Variants in FAT3 observed in about 807,000 individuals in gnomAD.
FAT3 encodes protocadherin Fat 3.
A neutral mutation model predicts 310.2 loss-of-function variants in FAT3; 95 were observed. That is an observed-to-expected ratio of 0.31 (90% CI 0.26 to 0.36). FAT3 has a LOEUF of 0.36. Ranked by LOEUF, FAT3 falls within the 10% of genes least tolerant of loss-of-function variation. FAT3 has a pLI of 1.00. For missense variants in FAT3, 5,408 were observed against 5,715.6 expected (o/e 0.95, Z 1.74); for synonymous variants, 2,314 against 2,192.9 (o/e 1.06, Z -1.54).
chr11:92,305,983 T>G (rs994686969), intron 1 of FAT3, among the ~76,000 whole-genome samples: 9 of 152,150 alleles, frequency 5.9e-5, no homozygotes, highest in Admixed American at 4.6e-4. Flanking sequence ...TTACGTAAAA[T>G]GTTAATATCT....
intron 1 of FAT3, among the ~76,000 whole-genome samples, chr11:92,346,278 T>C (rs1445144869): frequency 6.6e-6 from 1 of 152,176 alleles, no homozygotes; most frequent in Non-Finnish European, 1.5e-5. Flanking sequence ...GACTCATCAT[T>C]GCAAGGAGAA....
chr11:92,487,585 G>T (rs1435176319), intron 2 of FAT3, among the ~76,000 whole-genome samples: 2 of 152,138 alleles, frequency 1.3e-5, no homozygotes, highest in Non-Finnish European at 2.9e-5. Flanking sequence ...TAAAAAGTAG[G>T]TTCCTTGGGA....
intron 2 of FAT3, among the ~76,000 whole-genome samples, chr11:92,501,898 A>G (rs1319513780): frequency 6.6e-6 from 1 of 151,910 alleles, no homozygotes. Context: ...CACATGATGT[A>G]CTAAAAGGAG....
intron 8 of FAT3, among the ~76,000 whole-genome samples, chr11:92,792,514 A>G (rs1282272402): frequency 6.6e-6 from 1 of 152,170 alleles, no homozygotes; most frequent in Admixed American, 6.6e-5. Flanking sequence ...AGTTCTACAC[A>G]CACAGACTGA....
At chr11:92,627,304 G>A (rs958929129) in intron 3 of FAT3, among the ~76,000 whole-genome samples, 2 of 152,180 alleles carry the variant, frequency 1.3e-5, no homozygotes, top group Non-Finnish European at 2.9e-5. Flanking sequence ...CATAGGTGAA[G>A]GTTCTATCGC....
At chr11:92,315,508 TATATAG>T (rs1165908886) in intron 1 of FAT3, among the ~76,000 whole-genome samples, 631 of 83,224 alleles carry the variant, frequency 7.6e-3, no homozygotes, top group Non-Finnish European at 0.011. Context: ...TATATATATA[TATATAG>T]AGAGAGAGAG....
chr11:92,614,141 C>A (rs1252368675), intron 3 of FAT3, among the ~76,000 whole-genome samples: 1 of 151,994 alleles, frequency 6.6e-6, no homozygotes, highest in East Asian at 1.9e-4. Flanking sequence ...TTTATTAATT[C>A]ATCAGTTAAT....
chr11:92,438,398 C>A (rs1950992978), intron 2 of FAT3, among the ~76,000 whole-genome samples: 3 of 152,040 alleles, frequency 2.0e-5, no homozygotes, highest in Admixed American at 6.6e-5. Flanking sequence ...CAATAGTTAT[C>A]CTTGGGTGGT....
chr11:92,323,143 C>A (rs962655419), intron 1 of FAT3, among the ~76,000 whole-genome samples: 4 of 152,060 alleles, frequency 2.6e-5, no homozygotes, highest in Admixed American at 2.6e-4. Flanking sequence ...CATTAATCTC[C>A]TTGTATATCT....
At chr11:92,321,354 G>A (rs896387437) in intron 1 of FAT3, among the ~76,000 whole-genome samples, 5 of 151,472 alleles carry the variant, frequency 3.3e-5, no homozygotes, top group African/African-American at 4.9e-5. Flanking sequence ...GGAGAATGGC[G>A]TGAACCCGAG....
chr11:92,461,101 T>C (rs76469665), intron 2 of FAT3, among the ~76,000 whole-genome samples: 2,291 of 152,356 alleles, frequency 0.015, 72 homozygotes, highest in African/African-American at 0.052. Flanking sequence ...ATGGGTTGCA[T>C]TAATTTTGAT....
intron 3 of FAT3, among the ~76,000 whole-genome samples, chr11:92,605,313 A>G (rs1940219746): frequency 6.6e-6 from 1 of 152,196 alleles, no homozygotes; most frequent in Admixed American, 6.5e-5. Flanking sequence ...GGAGGCCATG[A>G]TGGAGCCTCA....
intron 3 of FAT3, among the ~76,000 whole-genome samples, chr11:92,603,880 G>A (rs1273923990): frequency 6.6e-6 from 1 of 152,156 alleles, no homozygotes; most frequent in East Asian, 1.9e-4. Flanking sequence ...CACTGGGACT[G>A]GAGTCTTATG....
intron 20 of FAT3, among the ~76,000 whole-genome samples, chr11:92,858,183 C>T (rs966063550): frequency 6.6e-6 from 1 of 152,142 alleles, no homozygotes; most frequent in African/African-American, 2.4e-5. Context: ...AAGCACTGTT[C>T]CTAAAAGTAG....
At chr11:92,882,267 G>A (rs1262136823) in intron 23 of FAT3, among the ~76,000 whole-genome samples, 1 of 152,096 alleles carries the variant, frequency 6.6e-6, no homozygotes, top group African/African-American at 2.4e-5. Flanking sequence ...GGATACTACG[G>A]CCAGCACCAA....
intron 22 of FAT3, among the ~76,000 whole-genome samples, chr11:92,880,307 G>A (rs574822403): frequency 3.4e-5 from 5 of 145,122 alleles, no homozygotes; most frequent in Non-Finnish European, 7.5e-5. Flanking sequence ...ACTTGGCTAA[G>A]GAGAAGGGGC....
intron 2 of FAT3, among the ~76,000 whole-genome samples, chr11:92,424,431 A>G (rs2134993499): frequency 6.6e-6 from 1 of 152,268 alleles, no homozygotes; most frequent in Admixed American, 6.5e-5. Context: ...CCTTGCCACA[A>G]CAATAACTTT....
chr11:92,890,972 C>A lies in FAT3; in HGVS notation c.13629C>A (p.Gly4543=), dbSNP rs370343458. 1 of 1,613,834 alleles carries A rather than the reference C, an allele frequency of 6.2e-7. No individual in the cohort carries two copies. Among genetic ancestry groups the A allele is most frequent in the African/African-American group, 1.3e-5 (1 of 74,938 alleles). ...SVSLSLHNSR[G]TSSSDVSANC... is the part of the protein sequence containing the mutation. ...CTCTGTCCTTGCACAATTCCAGAGG[C>A]ACCTCATCCTCGGATGTGTCTGCCA... The change falls in exon 28 of 28, where the codon GGC becomes GGA. Residue 4543 remains glycine, a synonymous_variant. Transcript: ENST00000525166.
At chr11:92,521,450 T>C (rs1273479133) in intron 2 of FAT3, among the ~76,000 whole-genome samples, 1 of 152,180 alleles carries the variant, frequency 6.6e-6, no homozygotes, top group East Asian at 1.9e-4. Flanking sequence ...TAGGGTGTGA[T>C]TACCATTTAG....
Sources: allele counts gnomAD v4.1 joint callset (sites outside exome capture counted in the v4.1 genomes callset), GRCh38; gene constraint gnomAD v4.1.1; transcripts MANE v1.5; gene names NCBI Gene and HGNC (gene_info 2026-07-23, HGNC 2026-07-21).